Variants in ADCYAP1R1 observed in about 807,000 individuals in gnomAD.
ADCYAP1R1 encodes the protein pituitary adenylate cyclase-activating polypeptide type I receptor.
A neutral mutation model predicts 67.6 loss-of-function variants in ADCYAP1R1; 44 were observed. The ratio of observed to expected loss-of-function variants is 0.65; its 90% CI spans 0.51 to 0.84. ADCYAP1R1 has a LOEUF of 0.84. ADCYAP1R1 is among the 40% of genes least tolerant of loss of function. The probability of loss-of-function intolerance (pLI) is 0.00; values close to 1 mark genes in which losing one functional copy is unlikely to be tolerated. For synonymous variants in ADCYAP1R1, 222 were observed against 219.6 expected (o/e 1.01, Z -0.10); for missense variants, 477 against 587.9 (o/e 0.81, Z 1.95).
chr7:31,064,768 G>A, intron 2 of ADCYAP1R1, 63 bp from the exon 3 acceptor site: 2 of 1,366,894 alleles, frequency 1.5e-6, no homozygotes, highest in Non-Finnish European at 2.0e-6. Context: ...TGGGGCTTTG[G>A]TAGGAGAGCT....
chr7:31,084,715 C>A lies in ADCYAP1R1; in HGVS notation c.439-22C>A, dbSNP rs748340204. On this transcript the variant is annotated intron_variant, in intron 7 of 15. Coordinates refer to ENST00000304166, the MANE Select transcript of ADCYAP1R1 (RefSeq NM_001118.5). ...TGGGCAGGTCTCACATGAAGTCCTG[C>A]ATGTCCTGTGCTCTGCTTCAGGATT... 5 of 1,598,034 alleles carry A rather than the reference C, an allele frequency of 3.1e-6. No homozygotes were observed. In the South Asian group the frequency reaches 3.3e-5, roughly 11 times the overall value.
chr7:31,072,492 C>T (rs1795031443), intron 3 of ADCYAP1R1, among the ~76,000 whole-genome samples: 1 of 152,188 alleles, frequency 6.6e-6, no homozygotes, highest in South Asian at 2.1e-4. Flanking sequence ...AGCTCTGCTC[C>T]CGACTCTGTC....
intron 9 of ADCYAP1R1, 137 bp downstream of exon 9, chr7:31,085,579 C>A (rs1054227106): frequency 9.9e-7 from 1 of 1,008,860 alleles, no homozygotes; most frequent in East Asian, 2.7e-5. Flanking sequence ...ATTGCCCCAC[C>A]CCCCCGGTTT....
chr7:31,089,184 G>T (rs1795865975), intron 12 of ADCYAP1R1, among the ~76,000 whole-genome samples: 1 of 151,946 alleles, frequency 6.6e-6, no homozygotes, highest in Admixed American at 6.6e-5. Context: ...TGTTTTTTAT[G>T]TATTGTGTCC....
chr7:31,098,711 G>GTT (rs1796312184), intron 13 of ADCYAP1R1, among the ~76,000 whole-genome samples: 2 of 121,528 alleles, frequency 1.6e-5, no homozygotes, highest in African/African-American at 5.5e-5. Flanking sequence ...GGCGGGGGGG[G>GTT]GGGGGGGACC....
At position 31,062,074 on chromosome 7, in the gene ADCYAP1R1, G is replaced by A. The variant is rs1484738950; in HGVS notation, c.-71-1120G>A. 3.9e-5 allele frequency among the ~76,000 whole-genome samples: 6 copies of A among 152,256 alleles called. No homozygotes were observed. The South Asian group carries it at 1.0e-3, about 26-fold the overall frequency. ...ATGCTTTGCTGTCCCATTTTTTATT[G>A]TTGATGCTATTTTAAAGGATGCTGT... On this transcript the variant is annotated intron_variant, in intron 1 of 15. Coordinates refer to ENST00000304166, the MANE Select transcript of ADCYAP1R1 (RefSeq NM_001118.5).
intron 2 of ADCYAP1R1, 90 bp downstream of exon 2, chr7:31,063,405 A>C: frequency 1.4e-6 from 2 of 1,457,660 alleles, no homozygotes; most frequent in Non-Finnish European, 1.9e-6. Context: ...CCCTCAGCTC[A>C]GCTCTTCATC....
intron 4 of ADCYAP1R1, 97 bp from the exon 5 acceptor site, chr7:31,080,516 G>A (rs1170638815): frequency 2.4e-6 from 3 of 1,262,260 alleles, no homozygotes; most frequent in Admixed American, 1.9e-5. Context: ...GAAGGAGGAG[G>A]AAGTGATCAG....
In ADCYAP1R1 at chr7:31,055,328, AGTGTGT is replaced by A. The variant is rs34731040; in HGVS notation, c.-72+2676_-72+2681del. Among the ~76,000 whole-genome samples, 1,424 of 148,288 alleles carry A rather than the reference AGTGTGT, an allele frequency of 9.6e-3. 20 individuals carry two copies. The highest frequency in any genetic ancestry group is 0.026 in the African/African-American group (1,057 of 40,592). ...CTGAGTATTGAATTGAATGGAGGAA[AGTGTGT>A]GTGTGTGTGTGTGTGTGTGTGTGTG... is the stretch of plus-strand genomic sequence containing the variant. On this transcript the variant is annotated intron_variant, in intron 1 of 15. Transcript: ENST00000304166.
At chr7:31,100,982 A>G (rs950295690) in intron 13 of ADCYAP1R1, among the ~76,000 whole-genome samples, 24 of 152,218 alleles carry the variant, frequency 1.6e-4, no homozygotes, top group African/African-American at 5.8e-4. Context: ...ACAGAGGCCT[A>G]GGCCCCGTGT....
At chr7:31,080,655 A>C in intron 5 of ADCYAP1R1, 22 bp downstream of exon 5, 1 of 1,613,206 alleles carries the variant, frequency 6.2e-7, no homozygotes, top group Non-Finnish European at 8.5e-7. Context: ...CTTGGTGAGG[A>C]TAGACCGCTG....
Position 31,086,130 on chromosome 7 carries a change from A to G in ADCYAP1R1, c.670-254A>G, listed in dbSNP as rs1018160687. On this transcript the variant is annotated intron_variant, in intron 9 of 15. Coordinates refer to ENST00000304166, the MANE Select transcript of ADCYAP1R1 (RefSeq NM_001118.5). The surrounding 1 kb of genome is among the most constrained non-coding windows in gnomAD (Gnocchi z 5.0). ...GGAAGGAGCAGGAAAGTGAAGGAGG[A>G]TGAGCTGGTGGTGGGGAGGCTCTGT... Among the ~76,000 whole-genome samples the G allele has an allele frequency of 6.6e-6, 1 of 152,164 alleles. No individual in the cohort carries two copies.
At chr7:31,090,648 G>A (rs143099662) in intron 12 of ADCYAP1R1, among the ~76,000 whole-genome samples, 2 of 152,240 alleles carry the variant, frequency 1.3e-5, no homozygotes, top group South Asian at 2.1e-4. Context: ...TAGCTCCCAC[G>A]TCTAAGTGAG....
chr7:31,085,253 A>T, intron 8 of ADCYAP1R1, 57 bp from the exon 9 acceptor site: 1 of 1,579,300 alleles, frequency 6.3e-7, no homozygotes, highest in Non-Finnish European at 8.6e-7. Context: ...GCCCACATGG[A>T]GGGTGTGAAA....
intron 1 of ADCYAP1R1, among the ~76,000 whole-genome samples, chr7:31,061,302 CA>C (rs1338039093): frequency 6.6e-6 from 1 of 152,226 alleles, no homozygotes; most frequent in African/African-American, 2.4e-5. Context: ...CGCAGCCAGG[CA>C]AGTCAGGAGG....
In ADCYAP1R1 at chr7:31,110,635, C is replaced by T. The variant is rs1444378884; in HGVS notation, c.*3951C>T. On this transcript the variant is annotated 3_prime_UTR_variant, in exon 16 of 16. Transcript: ENST00000304166. ...TGTAACCTTGCACAGGAGTGGGGCT[C>T]TGGTGACCGAAGGTTGTCCAGGACT... is the stretch of plus-strand genomic sequence containing the variant. 1 of 152,810 alleles carries T rather than the reference C, an allele frequency of 6.5e-6. No individual in the cohort carries two copies. Among genetic ancestry groups the T allele is most frequent in the Non-Finnish European group, 1.5e-5 (1 of 68,064 alleles). 9.5% of individuals were successfully genotyped at this position (152,810 alleles called of 1,614,324 possible). A position where few individuals can be genotyped will look rare whatever the true frequency, so the allele number is the denominator to read the frequency against.
rs774415208 is a variant in ADCYAP1R1 at position 31,087,744 on chromosome 7, C to T, written c.954+48C>T. The T allele has an allele frequency of 6.0e-6, 9 of 1,489,906 alleles. No homozygotes were observed. The South Asian group carries it at 1.0e-4, about 17-fold the overall frequency. The allele number at this position is 1,489,906 out of a possible 1,614,324, so 92.3% of individuals were successfully genotyped here. On this transcript the variant is annotated intron_variant, in intron 12 of 15. Coordinates refer to ENST00000304166, the MANE Select transcript of ADCYAP1R1 (RefSeq NM_001118.5). ...GGAAGGGAAGAGACAGGGTCTTGGGCAGAAAGGCACGCGAGGAAGAGAAAT... is the reference window on the plus strand; with the variant it reads ...GGAAGGGAAGAGACAGGGTCTTGGGTAGAAAGGCACGCGAGGAAGAGAAAT...
chr7:31,056,138 G>A (rs1450549149), intron 1 of ADCYAP1R1, among the ~76,000 whole-genome samples: 1 of 152,128 alleles, frequency 6.6e-6, no homozygotes, highest in Non-Finnish European at 1.5e-5. Flanking sequence ...TGAACATGAT[G>A]AGACCTGAAA....
At chr7:31,080,676 C>T (rs942601959) in intron 5 of ADCYAP1R1, 43 bp downstream of exon 5, 11 of 1,608,360 alleles carry the variant, frequency 6.8e-6, no homozygotes, top group Non-Finnish European at 9.4e-6. Context: ...TCTTTCTGTC[C>T]ATCCAGCAGG....
Sources: allele counts gnomAD v4.1 joint callset (sites outside exome capture counted in the v4.1 genomes callset), GRCh38; gene constraint gnomAD v4.1.1; non-coding constraint Gnocchi (gnomAD v3.1); transcripts MANE v1.5; gene names NCBI Gene and HGNC (gene_info 2026-07-23, HGNC 2026-07-21).